GSTM5: variants seen among roughly 807,000 people sequenced by gnomAD.
GSTM5 encodes glutathione S-transferase mu 5, also known as GST class-mu 5.
In GSTM5, 24 loss-of-function variants were observed where a neutral mutation model predicts 29.0. That is an observed-to-expected ratio of 0.83 (90% CI 0.60 to 1.16). The LOEUF (loss-of-function observed/expected upper bound fraction) is 1.16. Among genes scored for constraint, GSTM5 ranks in the 50% most tolerant of loss-of-function variants. The pLI, the probability that GSTM5 is intolerant of heterozygous loss-of-function variation, is 0.00. For synonymous variants in GSTM5, 91 were observed against 93.6 expected (o/e 0.97, Z 0.16); for missense variants, 290 against 263.0 (o/e 1.10, Z -0.71).
chr1:109,712,402 G>T, intron 1 of GSTM5, 54 bp downstream of exon 1: 1 of 1,586,982 alleles, frequency 6.3e-7, no homozygotes, highest in Non-Finnish European at 8.6e-7. Flanking sequence ...GGGATGTGTG[G>T]AGTAGCTGCA....
chr1:109,715,442 T>C, intron 7 of GSTM5: 2 of 1,536,968 alleles, frequency 1.3e-6, no homozygotes, highest in South Asian at 2.4e-5. Flanking sequence ...AGAATTATCT[T>C]GCCCATTTTA....
chr1:109,715,998 G>T (rs1339000112), intron 7 of GSTM5: 2 of 877,910 alleles, frequency 2.3e-6, no homozygotes, highest in Non-Finnish European at 3.4e-6. Flanking sequence ...TCTGCATGAG[G>T]CAGGGTGTGA....
rs1166362299 is a variant in GSTM5, at chr1:109,712,306, C to T, written c.-7C>T. 2 of 1,613,994 alleles carry T rather than the reference C, an allele frequency of 1.2e-6. No individual in the cohort carries two copies. Among genetic ancestry groups the T allele is most frequent in the Non-Finnish European group, 1.7e-6 (2 of 1,179,960 alleles). On this transcript the variant is annotated 5_prime_UTR_variant, in exon 1 of 8. It introduces an in-frame stop codon into an upstream open reading frame of the 5' UTR. Transcript: ENST00000256593. ...GCCTGTCTGCAGAATCCGCACCAAC[C>T]AGCACCATGCCCATGACTCTGGGGT... is the stretch of plus-strand genomic sequence containing the variant.
At position 109,714,712 on chromosome 1, in the gene GSTM5, A is replaced by T. The variant is rs952239800; in HGVS notation, c.361-235A>T. 6.9e-6 allele frequency: 4 copies of T among 579,814 alleles called. No homozygotes were observed. In the African/African-American group the frequency reaches 7.5e-5, roughly 11 times the overall value. The allele number at this position is 579,814 out of a possible 1,614,324, so 35.9% of individuals were successfully genotyped here. The stretch of plus-strand genomic sequence containing the variant: ...CCCAGAGGCTATTGGGAGGCCAGTG[A>T]GGACAGATTCAGGAAGAGCATCTCA... On this transcript the variant is annotated intron_variant, in intron 5 of 7. Coordinates refer to ENST00000256593, the MANE Select transcript of GSTM5 (RefSeq NM_000851.4).
At chr1:109,717,113 ATC>A in intron 7 of GSTM5, 1 of 459,164 alleles carries the variant, frequency 2.2e-6, no homozygotes, top group Non-Finnish European at 4.0e-6. Flanking sequence ...CACAGTGTAG[ATC>A]TTTCGTAAAT....
At chr1:109,712,201 C>A, upstream of GSTM5, 1 of 1,140,514 alleles carries the variant, frequency 8.8e-7, no homozygotes, top group Non-Finnish European at 1.3e-6. Context: ...GGGGTTGTGG[C>A]GGGCCGAGGG....
chr1:109,712,719 C>G (rs775764050), intron 2 of GSTM5, 26 bp downstream of exon 2: 47 of 1,612,896 alleles, frequency 2.9e-5, no homozygotes, highest in Non-Finnish European at 3.6e-5. Context: ...TGTCCGGGCC[C>G]TGCCCACTCA....
chr1:109,713,817 A>G, intron 5 of GSTM5, 56 bp downstream of exon 5: 1 of 1,476,536 alleles, frequency 6.8e-7, no homozygotes, highest in Non-Finnish European at 9.4e-7. Flanking sequence ...GGCCCAGACC[A>G]GGGAGGGACT....
At chr1:109,714,904 G>A (rs1311964482) in intron 5 of GSTM5, 43 bp from the exon 6 acceptor site, 1 of 1,603,850 alleles carries the variant, frequency 6.2e-7, no homozygotes, top group African/African-American at 1.3e-5. Flanking sequence ...GTCTGTGCAG[G>A]GAGCTTTTGT....
In GSTM5 at chr1:109,714,917, G is replaced by C. The variant is rs769575947; in HGVS notation, c.361-30G>C. ...ACGTCTGTGCAGGGAGCTTTTGTCT[G>C]AGGGTGGTGACAGCTGTTTTCTGCC... On this transcript the variant is annotated intron_variant, in intron 5 of 7. Transcript: ENST00000256593. The C allele has an allele frequency of 9.9e-6, 16 of 1,612,130 alleles. No homozygotes were observed. The South Asian group carries it at 1.8e-4, about 18-fold the overall frequency.
chr1:109,717,698 T>C lies in GSTM5; in HGVS notation c.*272T>C. 5.0e-6 allele frequency: 2 copies of C among 399,640 alleles called. No homozygotes were observed. The highest frequency in any genetic ancestry group is 4.7e-5 in the South Asian group (2 of 42,842). The allele number at this position is 399,640 out of a possible 1,614,324, so 24.8% of individuals were successfully genotyped here. ...AACGCCAACCTGACTGCTTTTCCTG[T>C]CAGTGCTTTTCTCTTCTTTGAGAAG... is the stretch of plus-strand genomic sequence containing the variant. On this transcript the variant is annotated 3_prime_UTR_variant, in exon 8 of 8. Coordinates refer to ENST00000256593, the MANE Select transcript of GSTM5 (RefSeq NM_000851.4).
chr1:109,712,879 CA>C (rs1485434909), intron 2 of GSTM5, 186 bp downstream of exon 2: 7 of 856,994 alleles, frequency 8.2e-6, no homozygotes, highest in Non-Finnish European at 1.4e-5. Context: ...GGATGCTGGA[CA>C]CCCTGTCTAA....
At chr1:109,716,637 T>C (rs1648757124) in intron 7 of GSTM5, 1 of 152,764 alleles carries the variant, frequency 6.5e-6, no homozygotes, top group Non-Finnish European at 1.5e-5. Flanking sequence ...TGGGAATGAT[T>C]AGAGCCTGGT....
rs770746740 is a variant in GSTM5, at chr1:109,712,364, C to T, written c.36+16C>T. 5.6e-6 allele frequency: 9 copies of T among 1,612,462 alleles called. No individual in the cohort carries two copies. The highest frequency in any genetic ancestry group is 6.8e-6 in the Non-Finnish European group (8 of 1,178,912). ...CATCCGTGGGGTAAGCGAGGGTCCT[C>T]TGGTGGGTGGGACAGGGGGCGGAGG... On this transcript the variant is annotated intron_variant, in intron 1 of 7. Transcript: ENST00000256593.
At chr1:109,715,261 T>C (rs752498575) in intron 7 of GSTM5, 21 bp downstream of exon 7, 55 of 1,614,108 alleles carry the variant, frequency 3.4e-5, no homozygotes, top group Non-Finnish European at 4.3e-5. Flanking sequence ...CATCCTCCTT[T>C]CTCTTTGATG....
At chr1:109,715,542 G>T in intron 7 of GSTM5, 1 of 1,413,440 alleles carries the variant, frequency 7.1e-7, no homozygotes, top group Non-Finnish European at 9.3e-7. Context: ...GTGAGCCTCT[G>T]GATCTATGGG....
At chr1:109,713,350 A>G in intron 3 of GSTM5, 134 bp from the exon 4 acceptor site, 2 of 1,400,044 alleles carry the variant, frequency 1.4e-6, no homozygotes, top group Non-Finnish European at 2.0e-6. Context: ...CAGCTCATTT[A>G]TTAGTGTGAC....
chr1:109,714,894 G>T, intron 5 of GSTM5, 53 bp from the exon 6 acceptor site: 1 of 1,589,020 alleles, frequency 6.3e-7, no homozygotes, highest in South Asian at 1.1e-5. Flanking sequence ...GGGAGGCCAC[G>T]TCTGTGCAGG....
chr1:109,715,871 C>T (rs528437100), intron 7 of GSTM5: 3 of 540,058 alleles, frequency 5.6e-6, no homozygotes, highest in Non-Finnish European at 1.0e-5. Context: ...GTGCTCTGTG[C>T]TGGGGCACTC....
Sources: gnomAD v4.1 joint callset for allele counts on GRCh38, gnomAD v4.1.1 for gene constraint, MANE v1.5 for transcripts, NCBI Gene and HGNC (gene_info 2026-07-23, HGNC 2026-07-21) for gene names.